The following RHOA variants were observed in gnomAD, a reference collection of about 807,000 sequenced individuals.
RHOA encodes ras homolog family member A, also known as transforming protein RhoA.
Under a neutral mutation model 17.5 loss-of-function variants are expected in RHOA, and 3 were observed. That is an observed-to-expected ratio of 0.17 (90% confidence interval 0.08 to 0.44). RHOA has a LOEUF of 0.44. RHOA is among the 20% of genes least tolerant of loss of function. The pLI is 0.99. For missense variants in RHOA, 56 were observed against 242.3 expected, an observed-to-expected ratio of 0.23 and a Z score of 5.10; for synonymous variants, 98 against 88.4, an observed-to-expected ratio of 1.11 and a Z score of -0.61.
intron 1 of RHOA, among the ~76,000 whole-genome samples, chr3:49,400,970 C>T (rs1215819477): frequency 3.0e-5 from 4 of 133,596 alleles, no homozygotes; most frequent in Admixed American, 9.4e-5. Flanking sequence ...GGCGTGAACC[C>T]GGGAGGCAGA....
At chr3:49,385,817 T>G (rs2048387402) in intron 1 of RHOA, among the ~76,000 whole-genome samples, 1 of 152,186 alleles carries the variant, frequency 6.6e-6, no homozygotes, top group Admixed American at 6.5e-5. Flanking sequence ...TCTAGTCACC[T>G]CAGCATTATT....
intron 1 of RHOA, among the ~76,000 whole-genome samples, chr3:49,389,241 G>A (rs1559509458): frequency 1.3e-5 from 2 of 152,116 alleles, no homozygotes; most frequent in Non-Finnish European, 2.9e-5. Flanking sequence ...CAGCTACTCG[G>A]GGGGCTGAGC....
intron 1 of RHOA, among the ~76,000 whole-genome samples, chr3:49,394,535 G>C (rs2048579920): frequency 6.6e-6 from 1 of 151,798 alleles, no homozygotes; most frequent in Admixed American, 6.6e-5. Context: ...AATTTTAGTA[G>C]AGATGGGGTT....
chr3:49,395,469 G>A (rs1168293630), intron 1 of RHOA, among the ~76,000 whole-genome samples: 2 of 152,080 alleles, frequency 1.3e-5, no homozygotes, highest in African/African-American at 4.8e-5. Flanking sequence ...CCGGCACTTT[G>A]GGAGACTGAG....
intron 2 of RHOA, among the ~76,000 whole-genome samples, chr3:49,374,653 T>C (rs2048196956): frequency 6.7e-6 from 1 of 148,966 alleles, no homozygotes; most frequent in African/African-American, 2.5e-5. Flanking sequence ...ACCCGGGAGG[T>C]GGAGGTTGCA....
At chr3:49,377,083 A>G (rs1185209219) in intron 1 of RHOA, among the ~76,000 whole-genome samples, 6 of 152,130 alleles carry the variant, frequency 3.9e-5, no homozygotes. Context: ...AGCCGAGATC[A>G]TGCCATTGCA....
Position 49,362,421 on chromosome 3 carries a change from G to T in RHOA, c.408+75C>A, listed in dbSNP as rs889372362. 26 of 1,473,110 alleles carry T rather than the reference G, an allele frequency of 1.8e-5. No homozygotes were observed. The African/African-American group carries it at 3.5e-4, about 20-fold the overall frequency. The allele number at this position is 1,473,110 out of a possible 1,614,324, so 91.3% of individuals were successfully genotyped here. A position where few individuals can be genotyped will look rare whatever the true frequency, so the allele number is the denominator to read the frequency against. On this transcript the variant is annotated intron_variant, in intron 4 of 4. Coordinates refer to ENST00000418115, the MANE Select transcript of RHOA (RefSeq NM_001664.4). ...AACAACCTGGCCTGTGAAGGTTCCT[G>T]CTGGGCTCCCCAAACCTCCAAACTT...
intron 1 of RHOA, among the ~76,000 whole-genome samples, chr3:49,401,057 AAAAAG>A (rs2048716807): frequency 6.6e-6 from 1 of 150,892 alleles, no homozygotes; most frequent in Non-Finnish European, 1.5e-5. Context: ...AAAAAAAAAA[AAAAAG>A]AGTTAATTTC....
At chr3:49,383,757 C>T (rs538884497) in intron 1 of RHOA, among the ~76,000 whole-genome samples, 3 of 152,132 alleles carry the variant, frequency 2.0e-5, no homozygotes, top group Non-Finnish European at 2.9e-5. Context: ...CAGCCAGGCA[C>T]GGTGGCTCAC....
At chr3:49,388,932 C>T (rs1378131646) in intron 1 of RHOA, among the ~76,000 whole-genome samples, 1 of 152,160 alleles carries the variant, frequency 6.6e-6, no homozygotes, top group Non-Finnish European at 1.5e-5. Context: ...CTGAAACATG[C>T]TACAACATGG....
intron 1 of RHOA, among the ~76,000 whole-genome samples, chr3:49,382,178 G>C (rs1355431808): frequency 6.6e-6 from 1 of 151,804 alleles, no homozygotes; most frequent in Non-Finnish European, 1.5e-5. Context: ...AATTAGCCAG[G>C]CGTCGTGAAG....
intron 4 of RHOA, among the ~76,000 whole-genome samples, chr3:49,360,608 C>A (rs1478861006): frequency 3.3e-5 from 5 of 151,986 alleles, no homozygotes; most frequent in Non-Finnish European, 7.4e-5. Flanking sequence ...GCTGGGACTA[C>A]AGGTGCCCAC....
At chr3:49,397,148 A>G (rs1173017381) in intron 1 of RHOA, among the ~76,000 whole-genome samples, 1 of 150,972 alleles carries the variant, frequency 6.6e-6, no homozygotes, top group African/African-American at 2.4e-5. Context: ...AAAAAAAAAA[A>G]GTCAGAAAAT....
rs919959878 is a variant in RHOA, at chr3:49,363,771, G to A, written c.278-1145C>T. 2.8e-4 allele frequency among the ~76,000 whole-genome samples: 43 copies of A among 151,790 alleles called. 1 individual carries two copies. The highest frequency in any genetic ancestry group is 9.4e-4 in the African/African-American group (39 of 41,366). On this transcript the variant is annotated intron_variant, in intron 3 of 4. Transcript: ENST00000418115. ...GGAGGCTGAGGCAGAAGAAACACTT[G>A]AACCCAGGAGGTGGAGGTTGTGATG...
In RHOA at chr3:49,375,425, T is replaced by A. The variant is rs1318032330; in HGVS notation, c.156+9A>T. 1 of 1,602,576 alleles carries A rather than the reference T, an allele frequency of 6.2e-7. No individual in the cohort carries two copies. The highest frequency in any genetic ancestry group is 1.1e-5 in the South Asian group (1 of 89,084). ...AAATGGCATCAGTTGTTATGAAAAG[T>A]ATACTCACCTGCTTTCCATCCACCT... On this transcript the variant is annotated intron_variant, in intron 2 of 4. Coordinates refer to ENST00000418115, the MANE Select transcript of RHOA (RefSeq NM_001664.4).
intron 3 of RHOA, 101 bp downstream of exon 3, chr3:49,368,327 C>T: frequency 7.0e-7 from 1 of 1,428,804 alleles, no homozygotes; most frequent in Non-Finnish European, 9.7e-7. Context: ...ATGATTGCTT[C>T]TCTGAAGTTC....
chr3:49,391,809 C>T (rs2048514817), intron 1 of RHOA, among the ~76,000 whole-genome samples: 1 of 148,962 alleles, frequency 6.7e-6, no homozygotes, highest in Non-Finnish European at 1.5e-5. Flanking sequence ...CTGTGCCCGG[C>T]CTAATTAATT....
At chr3:49,362,936 C>A (rs1177137966) in intron 3 of RHOA, among the ~76,000 whole-genome samples, 1 of 152,154 alleles carries the variant, frequency 6.6e-6, no homozygotes. Context: ...GCACTTCCTG[C>A]CCCACAAAGG....
At chr3:49,389,404 T>C (rs1472788443) in intron 1 of RHOA, among the ~76,000 whole-genome samples, 1 of 152,054 alleles carries the variant, frequency 6.6e-6, no homozygotes, top group African/African-American at 2.4e-5. Context: ...TGAGCTTAGT[T>C]TGGGGTTCAG....
Sources: allele counts gnomAD v4.1 joint callset (sites outside exome capture counted in the v4.1 genomes callset), GRCh38; gene constraint gnomAD v4.1.1; transcripts MANE v1.5; gene names NCBI Gene and HGNC (gene_info 2026-07-23, HGNC 2026-07-21).